The following NRG1 variants were observed in gnomAD, a reference collection of about 807,000 sequenced individuals.
NRG1 encodes neuregulin 1.
Under a neutral mutation model 63.8 loss-of-function variants are expected in NRG1, and 18 were observed. The observed-to-expected ratio is 0.28, with a 90% CI of 0.19 to 0.42. The LOEUF (loss-of-function observed/expected upper bound fraction) is 0.42, where lower values mean the gene tolerates loss of function less well. Ranked by LOEUF, NRG1 falls within the 10% of genes least tolerant of loss-of-function variation. The probability of loss-of-function intolerance (pLI) is 1.00; values close to 1 mark genes in which losing one functional copy is unlikely to be tolerated. For missense variants in NRG1, 762 were observed against 814.7 expected, an observed-to-expected ratio of 0.94 and a Z score of 0.79; for synonymous variants, 302 against 301.3, an observed-to-expected ratio of 1.00 and a Z score of -0.02.
intron 1 of NRG1, among the ~76,000 whole-genome samples, chr8:32,474,479 C>CTCT (rs10635157): frequency 0.62 from 92,932 of 149,790 alleles, 29,125 homozygotes; most frequent in East Asian, 0.8. Context: ...CCTTGGACTG[C>CTCT]TCTCAGTGAT....
intron 1 of NRG1, among the ~76,000 whole-genome samples, chr8:32,300,284 T>C (rs553033090): frequency 6.6e-6 from 1 of 152,336 alleles, no homozygotes; most frequent in East Asian, 1.9e-4. Flanking sequence ...AAAAATATTT[T>C]AAAACATTAA....
intron 1 of NRG1, among the ~76,000 whole-genome samples, chr8:31,708,446 GTTT>G (rs771665636): frequency 1.2e-5 from 1 of 85,488 alleles, no homozygotes; most frequent in African/African-American, 4.5e-5. Context: ...AAACATAATT[GTTT>G]TTTTTTTTTT....
intron 1 of NRG1, among the ~76,000 whole-genome samples, chr8:32,141,005 C>G (rs1259153489): frequency 6.6e-6 from 1 of 152,044 alleles, no homozygotes; most frequent in African/African-American, 2.4e-5. Context: ...GTTTCTGTCT[C>G]TCTCTTTTTC....
chr8:32,394,158 T>C (rs992551530), intron 1 of NRG1, among the ~76,000 whole-genome samples: 4 of 152,208 alleles, frequency 2.6e-5, no homozygotes, highest in African/African-American at 9.7e-5. Flanking sequence ...TCTGTGTTCC[T>C]GCTTTAATCT....
chr8:31,899,886 T>G (rs1349854737), intron 1 of NRG1, among the ~76,000 whole-genome samples: 2 of 152,206 alleles, frequency 1.3e-5, no homozygotes, highest in African/African-American at 4.8e-5. Flanking sequence ...AATGGAAGAC[T>G]ACATTCTTTC....
At chr8:32,613,617 G>A (rs528885514) in intron 3 of NRG1, among the ~76,000 whole-genome samples, 4 of 151,802 alleles carry the variant, frequency 2.6e-5, no homozygotes, top group Non-Finnish European at 5.9e-5. Context: ...AGATAGTATC[G>A]CAGTAGATTC....
chr8:32,626,349 C>G (rs1442379217), intron 5 of NRG1, among the ~76,000 whole-genome samples: 1 of 148,286 alleles, frequency 6.7e-6, no homozygotes, highest in Non-Finnish European at 1.5e-5. Flanking sequence ...GGAAGACTTT[C>G]AAATTAAGTT....
At chr8:32,188,530 A>G (rs554685239) in intron 1 of NRG1, among the ~76,000 whole-genome samples, 2 of 152,358 alleles carry the variant, frequency 1.3e-5, no homozygotes, top group African/African-American at 4.8e-5. Flanking sequence ...GAATTAAAAT[A>G]GCTAATCAGC....
Position 32,129,175 on chromosome 8 carries a change from A to G in NRG1, c.38-466653A>G, listed in dbSNP as rs1421590282. Among the ~76,000 whole-genome samples, 5 of 152,120 alleles carry G rather than the reference A, an allele frequency of 3.3e-5. No individual in the cohort carries two copies. In the East Asian group the frequency reaches 7.8e-4, roughly 24 times the overall value. ...AGCACAATCTCAGGTTCATAAAAAG[A>G]GCTCAAGAAATATTTGTTGAATGAC... On this transcript the variant is annotated intron_variant, in intron 1 of 10. Transcript: ENST00000519301.
intron 1 of NRG1, among the ~76,000 whole-genome samples, chr8:31,723,843 G>C (rs1205676080): frequency 6.6e-6 from 1 of 152,138 alleles, no homozygotes; most frequent in Non-Finnish European, 1.5e-5. Flanking sequence ...TTCAGAAGTG[G>C]AAATTATTTT....
intron 1 of NRG1, among the ~76,000 whole-genome samples, chr8:32,165,219 GC>G (rs1431513270): frequency 2.6e-5 from 4 of 151,616 alleles, no homozygotes; most frequent in African/African-American, 9.7e-5. Flanking sequence ...GTTCACTGCA[GC>G]CTTGAACTCC....
intron 1 of NRG1, among the ~76,000 whole-genome samples, chr8:31,855,441 C>CT (rs1164539817): frequency 1.3e-5 from 2 of 151,914 alleles, no homozygotes; most frequent in Admixed American, 6.6e-5. Flanking sequence ...CAACCCCTGC[C>CT]TTTTTTTGTT....
chr8:32,610,589 G>A (rs1309699614), intron 3 of NRG1, among the ~76,000 whole-genome samples: 2 of 152,058 alleles, frequency 1.3e-5, no homozygotes, highest in African/African-American at 4.8e-5. Context: ...TGTAACAGTG[G>A]CCATACTTAT....
chr8:32,590,250 G>T (rs991651108), intron 1 of NRG1, among the ~76,000 whole-genome samples: 12 of 152,276 alleles, frequency 7.9e-5, no homozygotes, highest in Middle Eastern at 3.4e-3. Flanking sequence ...TAAGGATGTG[G>T]ATATGTTTAT....
At chr8:32,525,227 C>T (rs1054795997) in intron 1 of NRG1, among the ~76,000 whole-genome samples, 11 of 152,122 alleles carry the variant, frequency 7.2e-5, no homozygotes, top group Middle Eastern at 3.2e-3. Context: ...ATGAAAAAGA[C>T]GCAAGCAATG....
At chr8:31,975,361 G>A (rs528176876) in intron 1 of NRG1, among the ~76,000 whole-genome samples, 1 of 152,304 alleles carries the variant, frequency 6.6e-6, no homozygotes, top group South Asian at 2.1e-4. Context: ...AGAGAATCAG[G>A]AGGTGAGGAT....
At chr8:32,691,118 A>G (rs1029232875) in intron 5 of NRG1, among the ~76,000 whole-genome samples, 1 of 152,072 alleles carries the variant, frequency 6.6e-6, no homozygotes, top group African/African-American at 2.4e-5. Context: ...ACTTAGTGTT[A>G]TCTTGAATGA....
intron 5 of NRG1, among the ~76,000 whole-genome samples, chr8:32,634,114 A>AAAAAAAAAAAAAAAAAAAAAAAAC (rs1373707780): frequency 6.6e-6 from 1 of 151,318 alleles, no homozygotes; most frequent in African/African-American, 2.4e-5. Flanking sequence ...AAAAAAAAAA[A>AAAAAAAAAAAAAAAAAAAAAAAAC]AAAAGGTTGC....
chr8:32,365,999 T>C (rs1807926164), intron 1 of NRG1, among the ~76,000 whole-genome samples: 1 of 152,184 alleles, frequency 6.6e-6, no homozygotes, highest in Admixed American at 6.5e-5. Context: ...TTGGTTACTA[T>C]AGCTTTATGT....
Sources: gnomAD v4.1 joint callset for allele counts (sites outside exome capture counted in the v4.1 genomes callset) on GRCh38, gnomAD v4.1.1 for gene constraint, MANE v1.5 for transcripts, NCBI Gene and HGNC (gene_info 2026-07-23, HGNC 2026-07-21) for gene names.